The following COPZ1 variants were observed in gnomAD, a reference collection of about 807,000 sequenced individuals.
The protein encoded by COPZ1 is coatomer subunit zeta-1.
In COPZ1, 4 loss-of-function variants were observed where a neutral mutation model predicts 31.7. The ratio of observed to expected loss-of-function variants is 0.13; its 90% CI spans 0.06 to 0.29. COPZ1 has a LOEUF of 0.29. Among genes scored for constraint, COPZ1 ranks in the 10% least tolerant of loss-of-function variants. COPZ1 has a pLI of 1.00. For synonymous variants in COPZ1, 74 were observed against 79.0 expected (o/e 0.94, Z 0.33); for missense variants, 156 against 211.5 (o/e 0.74, Z 1.63).
chr12:54,342,893 G>C (rs1020414391), intron 3 of COPZ1, among the ~76,000 whole-genome samples: 1 of 123,146 alleles, frequency 8.1e-6, no homozygotes, highest in Non-Finnish European at 1.6e-5. Context: ...GTCTCTCTCT[G>C]TCACCCAGGC....
intron 1 of COPZ1, among the ~76,000 whole-genome samples, chr12:54,339,041 T>C (rs1037976294): frequency 6.6e-6 from 1 of 152,098 alleles, no homozygotes; most frequent in Admixed American, 6.6e-5. Flanking sequence ...CTGTGAGGAC[T>C]GTGGGTTTCT....
chr12:54,349,090 C>G (rs1290199092), intron 7 of COPZ1, among the ~76,000 whole-genome samples: 3 of 151,976 alleles, frequency 2.0e-5, no homozygotes, highest in African/African-American at 7.2e-5. Context: ...TTAATCTTCT[C>G]CTCTAACATA....
intron 4 of COPZ1, among the ~76,000 whole-genome samples, chr12:54,343,844 A>G (rs1003623280): frequency 6.6e-6 from 1 of 152,246 alleles, no homozygotes; most frequent in African/African-American, 2.4e-5. Flanking sequence ...GGCAAAAGTG[A>G]AAGTTTGAGA....
chr12:54,329,414 C>G lies in COPZ1; in HGVS notation c.18+4233C>G, dbSNP rs537721434. On this transcript the variant is annotated intron_variant, in intron 1 of 8. Coordinates refer to ENST00000262061, the MANE Select transcript of COPZ1 (RefSeq NM_016057.3). ...GCCTGACCAACATGGTGAAACCCGTCTCTGCTAAAAATACAAAAATTAGCT... is the reference window on the plus strand; with the variant it reads ...GCCTGACCAACATGGTGAAACCCGTGTCTGCTAAAAATACAAAAATTAGCT... Among the ~76,000 whole-genome samples the G allele has an allele frequency of 1.3e-3, 196 of 152,198 alleles. 1 individual carries two copies. Among genetic ancestry groups the G allele is most frequent in the African/African-American group, 4.5e-3 (186 of 41,512 alleles).
At chr12:54,348,201 T>C in intron 7 of COPZ1, 150 bp downstream of exon 7, 1 of 664,272 alleles carries the variant, frequency 1.5e-6, no homozygotes. Context: ...TTCTCTTCCC[T>C]TCTCTTCTTA....
At chr12:54,330,363 G>A (rs1367494119) in intron 1 of COPZ1, among the ~76,000 whole-genome samples, 1 of 152,106 alleles carries the variant, frequency 6.6e-6, no homozygotes, top group African/African-American at 2.4e-5. Context: ...AGCAGACCTC[G>A]GCTTGAACTA....
At chr12:54,342,850 C>T (rs1055821718) in intron 3 of COPZ1, among the ~76,000 whole-genome samples, 8 of 136,658 alleles carry the variant, frequency 5.9e-5, no homozygotes, top group Non-Finnish European at 1.2e-4. Context: ...ATGGTAACGC[C>T]TTCTTTTTTT....
At chr12:54,342,410 C>A (rs1033283203) in intron 3 of COPZ1, 123 bp downstream of exon 3, 7 of 721,302 alleles carry the variant, frequency 9.7e-6, no homozygotes, top group Non-Finnish European at 1.5e-5. Flanking sequence ...TCCTTCTTCC[C>A]CTTGTATAAT....
At position 54,351,204 on chromosome 12, in the gene COPZ1, G is replaced by C. The variant is rs1417704746; in HGVS notation, c.*681G>C. The stretch of plus-strand genomic sequence containing the variant: ...TCTGGCATATAGCTTCAAAACTGCA[G>C]TGGCGAGTGTCCATCTCTTAGTTAG... On this transcript the variant is annotated 3_prime_UTR_variant, in exon 9 of 9. Coordinates refer to ENST00000262061, the MANE Select transcript of COPZ1 (RefSeq NM_016057.3). 1 of 152,508 alleles carries C rather than the reference G, an allele frequency of 6.6e-6. No individual in the cohort carries two copies. The highest frequency in any genetic ancestry group is 1.5e-5 in the Non-Finnish European group (1 of 68,240). The allele number at this position is 152,508 out of a possible 1,614,324, so 9.4% of individuals were successfully genotyped here.
rs757366108 is a variant in COPZ1 at position 54,342,278 on chromosome 12, C to T, written c.160C>T (p.Arg54Trp). 30 of 1,613,178 alleles carry T rather than the reference C, an allele frequency of 1.9e-5. No homozygotes were observed. The highest frequency in any genetic ancestry group is 2.5e-5 in the Non-Finnish European group (29 of 1,179,286). ...FEKNIFNKTH[R>W]TDSEIALLEG... Reference sequence around the variant, plus strand: ...GAAGAACATTTTCAACAAGACCCATCGGACTGACAGTAGGTCATTTTCCTT... The same window carrying T: ...GAAGAACATTTTCAACAAGACCCATTGGACTGACAGTAGGTCATTTTCCTT... Residue 54 changes from arginine to tryptophan, a missense_variant, in exon 3 of 9, where the codon CGG (arginine) becomes TGG (tryptophan). Transcript: ENST00000262061.
rs141194350 is a variant in COPZ1, at chr12:54,335,972, C to T, written c.19-4575C>T. On this transcript the variant is annotated intron_variant, in intron 1 of 8. Coordinates refer to ENST00000262061, the MANE Select transcript of COPZ1 (RefSeq NM_016057.3). Reference sequence around the variant, plus strand: ...GGATTACAGGCATGAGCCACTGCGCCTGGCCTCCATATTCTTATTTGTGCT... The same window carrying T: ...GGATTACAGGCATGAGCCACTGCGCTTGGCCTCCATATTCTTATTTGTGCT... Among the ~76,000 whole-genome samples the T allele has an allele frequency of 1.9e-3, 291 of 152,270 alleles. 1 individual carries two copies. The East Asian group carries it at 0.03, about 16-fold the overall frequency.
chr12:54,329,961 C>G (rs1489931776), intron 1 of COPZ1, among the ~76,000 whole-genome samples: 1 of 152,096 alleles, frequency 6.6e-6, no homozygotes, highest in African/African-American at 2.4e-5. Context: ...TAAATGCCCC[C>G]CTCCCCCTGC....
At chr12:54,344,646 C>T (rs1230033341) in intron 4 of COPZ1, 6 of 150,892 alleles carry the variant, frequency 4.0e-5, no homozygotes, top group African/African-American at 1.5e-4. Context: ...ATCCCAGCTA[C>T]TTGGGAGGCT....
intron 1 of COPZ1, among the ~76,000 whole-genome samples, chr12:54,326,958 A>ATTT (rs1953660662): frequency 5.2e-5 from 2 of 38,760 alleles, no homozygotes; most frequent in African/African-American, 1.0e-4. Context: ...GTTAACAAGT[A>ATTT]TTCTTTTTTT....
intron 7 of COPZ1, 53 bp from the exon 8 acceptor site, chr12:54,349,567 A>G: frequency 7.0e-7 from 1 of 1,421,064 alleles, no homozygotes; most frequent in Middle Eastern, 1.7e-4. Context: ...GACTCCAATC[A>G]GGTCTTACTC....
At chr12:54,325,268 G>C in intron 1 of COPZ1, 87 bp downstream of exon 1, 1 of 1,485,172 alleles carries the variant, frequency 6.7e-7, no homozygotes, top group Non-Finnish European at 9.1e-7. Context: ...CGGGGAAAGA[G>C]AGTTCCGGGT....
intron 1 of COPZ1, among the ~76,000 whole-genome samples, chr12:54,326,260 C>T (rs1310591127): frequency 6.6e-6 from 1 of 150,966 alleles, no homozygotes; most frequent in Non-Finnish European, 1.5e-5. Flanking sequence ...CTGCCTCAGC[C>T]TCCGGAGTGG....
intron 1 of COPZ1, among the ~76,000 whole-genome samples, chr12:54,331,488 A>T (rs1953754601): frequency 6.6e-6 from 1 of 150,918 alleles, no homozygotes; most frequent in Non-Finnish European, 1.5e-5. Context: ...CTATTTTCTC[A>T]CTCTCAATGC....
chr12:54,332,051 C>T (rs895110587), intron 1 of COPZ1, among the ~76,000 whole-genome samples: 4 of 152,192 alleles, frequency 2.6e-5, no homozygotes, highest in Admixed American at 6.5e-5. Flanking sequence ...CAAGGCCGGG[C>T]GCGGTGGCTC....
Sources: allele counts gnomAD v4.1 joint callset (sites outside exome capture counted in the v4.1 genomes callset), GRCh38; gene constraint gnomAD v4.1.1; transcripts MANE v1.5; gene names NCBI Gene and HGNC (gene_info 2026-07-23, HGNC 2026-07-21).